Variants in KHDRBS2 observed in about 807,000 individuals in gnomAD.
The protein encoded by KHDRBS2 is KH RNA binding domain containing, signal transduction associated 2.
KHDRBS2 carries 26 observed loss-of-function variants against 44.3 expected under a neutral mutation model. The observed-to-expected ratio is 0.59, with a 90% CI of 0.43 to 0.81. The LOEUF is 0.81. Among genes scored for constraint, KHDRBS2 ranks in the 40% least tolerant of loss-of-function variants. KHDRBS2 has a pLI of 0.00. For missense variants in KHDRBS2, 476 were observed against 433.1 expected (o/e 1.10, Z -0.88); for synonymous variants, 194 against 151.1 (o/e 1.28, Z -2.08).
At chr6:62,194,911 T>G (rs1250632396) in intron 1 of KHDRBS2, among the ~76,000 whole-genome samples, 1 of 152,106 alleles carries the variant, frequency 6.6e-6, no homozygotes, top group South Asian at 2.1e-4. Context: ...TTTTTGTGAT[T>G]TTAGGTCCCT....
chr6:62,259,646 A>G (rs1452125595), intron 1 of KHDRBS2, among the ~76,000 whole-genome samples: 1 of 151,978 alleles, frequency 6.6e-6, no homozygotes. Context: ...TCGATTGAAA[A>G]TAATAAATCT....
At chr6:61,795,721 T>C (rs1785250619) in intron 6 of KHDRBS2, among the ~76,000 whole-genome samples, 1 of 152,222 alleles carries the variant, frequency 6.6e-6, no homozygotes, top group Admixed American at 6.5e-5. Flanking sequence ...AAATCATTTT[T>C]ACATTTTGCC....
chr6:62,057,480 T>G (rs1284740127), intron 2 of KHDRBS2, among the ~76,000 whole-genome samples: 1 of 152,004 alleles, frequency 6.6e-6, no homozygotes, highest in African/African-American at 2.4e-5. Flanking sequence ...TTTTTCCACT[T>G]ACTTTCAACC....
chr6:61,820,674 C>T (rs1489689721), intron 6 of KHDRBS2, among the ~76,000 whole-genome samples: 2 of 152,010 alleles, frequency 1.3e-5, no homozygotes, highest in East Asian at 1.9e-4. Flanking sequence ...CTGGAAGTCA[C>T]ATTTGTATTC....
intron 6 of KHDRBS2, among the ~76,000 whole-genome samples, chr6:61,802,108 A>G (rs1786375791): frequency 6.6e-6 from 1 of 152,140 alleles, no homozygotes; most frequent in Admixed American, 6.6e-5. Flanking sequence ...CAGCAAGGAA[A>G]TGGAAAGTCA....
Position 62,224,723 on chromosome 6 carries a change from G to C in KHDRBS2, c.92-47411C>G, listed in dbSNP as rs371230367. ...GTGTTAAAGAGCACAGTGTTTAAGA[G>C]TGGAAACATGGCTTAAGTTTCCACC... On this transcript the variant is annotated intron_variant, in intron 1 of 8. Coordinates refer to ENST00000281156, the MANE Select transcript of KHDRBS2 (RefSeq NM_152688.4). Among the ~76,000 whole-genome samples, 13 of 152,288 alleles carry C rather than the reference G, an allele frequency of 8.5e-5. 1 individual carries two copies. The highest frequency in any genetic ancestry group is 7.2e-4 in the Admixed American group (11 of 15,294).
chr6:62,033,696 A>G (rs1329336536), intron 3 of KHDRBS2, among the ~76,000 whole-genome samples: 1 of 151,424 alleles, frequency 6.6e-6, no homozygotes, highest in Non-Finnish European at 1.5e-5. Flanking sequence ...TGCCATATAT[A>G]TATATGCAAA....
intron 1 of KHDRBS2, among the ~76,000 whole-genome samples, chr6:62,225,515 T>C (rs1831622216): frequency 6.6e-6 from 1 of 152,168 alleles, no homozygotes. Flanking sequence ...AAACTTAAAA[T>C]TAATTTATAT....
At chr6:61,804,366 C>T (rs1011980400) in intron 6 of KHDRBS2, among the ~76,000 whole-genome samples, 6 of 152,270 alleles carry the variant, frequency 3.9e-5, no homozygotes, top group East Asian at 1.9e-4. Context: ...GGTACAACCC[C>T]CCTCCCAGCT....
the KHDRBS2 span, among the ~76,000 whole-genome samples, chr6:61,556,522 TTGAGAAAA>T: frequency 6.6e-6 from 1 of 152,190 alleles, no homozygotes; most frequent in Non-Finnish European, 1.5e-5. Context: ...TTCATTCTTC[TTGAGAAAA>T]TGCCTACCAA....
At chr6:61,837,485 C>A (rs1160166057) in intron 6 of KHDRBS2, among the ~76,000 whole-genome samples, 2 of 151,924 alleles carry the variant, frequency 1.3e-5, no homozygotes, top group African/African-American at 4.8e-5. Context: ...AAATAAGCAG[C>A]AAGCTTTATT....
intron 7 of KHDRBS2, among the ~76,000 whole-genome samples, chr6:61,716,636 C>T (rs1196128692): frequency 1.3e-5 from 2 of 152,018 alleles, no homozygotes; most frequent in East Asian, 3.9e-4. Context: ...AGGGCACATA[C>T]ATTCCAGTCT....
At chr6:61,949,897 G>A (rs1157575559) in intron 4 of KHDRBS2, among the ~76,000 whole-genome samples, 1 of 151,860 alleles carries the variant, frequency 6.6e-6, no homozygotes, top group East Asian at 1.9e-4. Flanking sequence ...AATAGAAATT[G>A]GCAATATTAG....
intron 1 of KHDRBS2, among the ~76,000 whole-genome samples, chr6:62,222,935 T>A (rs941552588): frequency 6.6e-6 from 1 of 152,118 alleles, no homozygotes; most frequent in East Asian, 1.9e-4. Context: ...TGGCATTGAG[T>A]GTCTGTGGCT....
chr6:61,802,017 G>A (rs1201797398), intron 6 of KHDRBS2, among the ~76,000 whole-genome samples: 1 of 152,212 alleles, frequency 6.6e-6, no homozygotes, highest in Admixed American at 6.6e-5. Context: ...ATGCATTATT[G>A]GTGGCTTTAA....
rs549092712 is a variant in KHDRBS2 at position 61,749,310 on chromosome 6, G to C, written c.811-16546C>G. 4.4e-4 allele frequency among the ~76,000 whole-genome samples: 67 copies of C among 152,160 alleles called. 1 individual carries two copies. The highest frequency in any genetic ancestry group is 1.5e-3 in the African/African-American group (64 of 41,534). On this transcript the variant is annotated intron_variant, in intron 6 of 8. Transcript: ENST00000281156. ...TTACAGGCGTGAGCCACCGTGCCCCGCCTTTCAATTTAAGTAGGTACAAGT... is the reference window on the plus strand; with the variant it reads ...TTACAGGCGTGAGCCACCGTGCCCCCCCTTTCAATTTAAGTAGGTACAAGT...
intron 6 of KHDRBS2, among the ~76,000 whole-genome samples, chr6:61,883,337 C>T (rs1800475316): frequency 6.6e-6 from 1 of 151,964 alleles, no homozygotes; most frequent in South Asian, 2.1e-4. Context: ...CCAACAGAGC[C>T]TAGAGGAAAC....
chr6:61,554,723 C>T, the KHDRBS2 span, among the ~76,000 whole-genome samples: 2 of 152,152 alleles, frequency 1.3e-5, no homozygotes, highest in African/African-American at 4.8e-5. Flanking sequence ...AATCCGATAG[C>T]ATTTACTTGC....
intron 6 of KHDRBS2, among the ~76,000 whole-genome samples, chr6:61,791,662 C>T (rs1223237923): frequency 6.6e-6 from 1 of 151,328 alleles, no homozygotes; most frequent in South Asian, 2.1e-4. Context: ...TTGCTGGATG[C>T]AGATCAAAAA....
Sources: gnomAD v4.1 joint callset for allele counts (sites outside exome capture counted in the v4.1 genomes callset) on GRCh38, gnomAD v4.1.1 for gene constraint, MANE v1.5 for transcripts, NCBI Gene and HGNC (gene_info 2026-07-23, HGNC 2026-07-21) for gene names.